SYNPO2L: variants seen among roughly 807,000 people sequenced by gnomAD.
SYNPO2L encodes synaptopodin 2-like protein.
Under a neutral mutation model 47.5 loss-of-function variants are expected in SYNPO2L, and 34 were observed. The observed-to-expected ratio is 0.72, with a 90% CI of 0.54 to 0.95. The LOEUF (loss-of-function observed/expected upper bound fraction) is 0.95, where lower values mean the gene tolerates loss of function less well. Among genes scored for constraint, SYNPO2L ranks in the 40% least tolerant of loss-of-function variants. The pLI is 0.00. For synonymous variants in SYNPO2L, 536 were observed against 524.9 expected, an observed-to-expected ratio of 1.02 and a Z score of -0.29; for missense variants, 1,246 against 1,282.0, an observed-to-expected ratio of 0.97 and a Z score of 0.43.
rs374467816 is a variant in SYNPO2L at position 73,655,905 on chromosome 10, C to T, written c.18G>A (p.Glu6=). The change falls in exon 1 of 4, where the codon GAG becomes GAA. Residue 6 remains glutamate (E), a synonymous_variant. Transcript: ENST00000394810. MGAEE[E]VLVTLSGGAP... is the part of the protein sequence containing the mutation. ...CTCCCCCTGATAGTGTGACCAGCAC[C>T]TCCTCCTCAGCACCCATCGCTCAGC... 6.4e-7 allele frequency: 1 copy of T among 1,551,296 alleles called. No homozygotes were observed. The highest frequency in any genetic ancestry group is 8.7e-7 in the Non-Finnish European group (1 of 1,146,860).
chr10:73,647,986 T>C lies in SYNPO2L; in HGVS notation c.1666A>G (p.Ser556Gly), dbSNP rs1414837889. 1.9e-6 allele frequency: 3 copies of C among 1,549,314 alleles called. No individual in the cohort carries two copies. The highest frequency in any genetic ancestry group is 2.6e-6 in the Non-Finnish European group (3 of 1,149,824). ...ATSSLYIPAPSRPVTPGGAPE... is the reference protein window; with the variant it reads ...ATSSLYIPAPGRPVTPGGAPE... ...GCTCCACCTGGGGTGACAGGCCGAC[T>C]AGGGGCTGGGATGTACAGGGAGCTG... Residue 556 changes from serine to glycine, a missense_variant, in exon 4 of 4, where the codon AGT (serine) becomes GGT (glycine). This residue lies in a region of SYNPO2L where 1,037 missense variants were observed against 1,021.5 expected (regional missense o/e 1.02). Transcript: ENST00000394810.
rs2132423379 is a variant in SYNPO2L at position 73,653,278 on chromosome 10, C to T, written c.633G>A (p.Gln211=). 6.5e-7 allele frequency: 1 copy of T among 1,550,206 alleles called. No individual in the cohort carries two copies. Among genetic ancestry groups the T allele is most frequent in the Non-Finnish European group, 8.7e-7 (1 of 1,146,242 alleles). The change falls in exon 3 of 4, where the codon CAG becomes CAA. Residue 211 remains glutamine (Q), a synonymous_variant. Transcript: ENST00000394810. ...ACAGCAGAGCCTCAGCTGGGGGTGG[C>T]TGAAGGGCTGCCCCATCCTCCCAAG... ...SPSWEDGAAL[Q]PPPAEALLLP... is the part of the protein sequence containing the mutation.
At position 73,646,512 on chromosome 10, in the gene SYNPO2L, T is replaced by C; in HGVS notation, c.*206A>G. The C allele has an allele frequency of 7.3e-6, 9 of 1,240,528 alleles. No individual in the cohort carries two copies. Among genetic ancestry groups the C allele is most frequent in the Non-Finnish European group, 9.1e-6 (9 of 993,222 alleles). 76.8% of individuals were successfully genotyped at this position (1,240,528 alleles called of 1,614,324 possible). Reference sequence around the variant, plus strand: ...ATGCAGAGACAAAGAGAGGCAAAGATACCAAAGCAGACATACTTGGTTGGA... The same window carrying C: ...ATGCAGAGACAAAGAGAGGCAAAGACACCAAAGCAGACATACTTGGTTGGA... On this transcript the variant is annotated 3_prime_UTR_variant, in exon 4 of 4. Coordinates refer to ENST00000394810, the MANE Select transcript of SYNPO2L (RefSeq NM_001114133.3).
intron 1 of SYNPO2L, among the ~76,000 whole-genome samples, chr10:73,654,499 C>T: frequency 6.6e-6 from 1 of 152,138 alleles, no homozygotes; most frequent in South Asian, 2.1e-4. Context: ...AATAGGGTAA[C>T]CATTGAATGA....
rs1225441208 is a variant in SYNPO2L at position 73,646,782 on chromosome 10, C to T, written c.2870G>A (p.Arg957Gln). Residue 957 changes from arginine to glutamine, a missense_variant, in exon 4 of 4, where the codon CGA (arginine) becomes CAA (glutamine). Arg to Gln is a conservative substitution (Grantham distance 43, BLOSUM62 1). This residue lies in a region of SYNPO2L where 1,037 missense variants were observed against 1,021.5 expected (regional missense o/e 1.02). Transcript: ENST00000394810. ...SSCGFQVARP[R>Q]FSATRTGLQA... ...CAATCCTGTTCTGGTGGCTGAAAATCGGGGCCTGGCTACCTGGAAACCGCA... is the reference window on the plus strand; with the variant it reads ...CAATCCTGTTCTGGTGGCTGAAAATTGGGGCCTGGCTACCTGGAAACCGCA... 2 of 1,522,278 alleles carry T rather than the reference C, an allele frequency of 1.3e-6. No individual in the cohort carries two copies. The highest frequency in any genetic ancestry group is 1.3e-5 in the South Asian group (1 of 74,940). 94.3% of individuals were successfully genotyped at this position (1,522,278 alleles called of 1,614,324 possible). A position where few individuals can be genotyped will look rare whatever the true frequency, so the allele number is the denominator to read the frequency against.
rs1375639072 is a variant in SYNPO2L at position 73,648,188 on chromosome 10, C to T, written c.1464G>A (p.Arg488=). Residue 488 remains arginine (R), a synonymous_variant, in exon 4 of 4, where the codon CGG becomes CGA. Coordinates refer to ENST00000394810, the MANE Select transcript of SYNPO2L (RefSeq NM_001114133.3). ...CGTTCGCCCTTTTGGGGGCTAAAGGCCGGAAAATAACCGAGGTGGTAGTTG... is the reference window on the plus strand; with the variant it reads ...CGTTCGCCCTTTTGGGGGCTAAAGGTCGGAAAATAACCGAGGTGGTAGTTG... ...QRPTTTSVIF[R]PLAPKRANDS... The T allele has an allele frequency of 1.3e-6, 2 of 1,567,726 alleles. No homozygotes were observed. Among genetic ancestry groups the T allele is most frequent in the Non-Finnish European group, 8.6e-7 (1 of 1,159,252 alleles).
Position 73,647,096 on chromosome 10 carries a change from A to G in SYNPO2L, c.2556T>C (p.His852=), listed in dbSNP as rs1283776527. 3.1e-6 allele frequency: 5 copies of G among 1,614,016 alleles called. No homozygotes were observed. The highest frequency in any genetic ancestry group is 4.2e-6 in the Non-Finnish European group (5 of 1,180,004). ...TGGCAGTTTTAAGTTGATAGGGCTG[A>G]TGCCGCATAAAATCTAGAGCCTTGA... The part of the protein sequence containing the change: ...QGIKALDFMR[H]QPYQLKTAMF... Residue 852 remains histidine, a synonymous_variant, in exon 4 of 4, where the codon CAT becomes CAC. Transcript: ENST00000394810.
At chr10:73,649,198 T>C (rs2081816146) in intron 3 of SYNPO2L, among the ~76,000 whole-genome samples, 1 of 152,124 alleles carries the variant, frequency 6.6e-6, no homozygotes, top group Admixed American at 6.5e-5. Flanking sequence ...ATTCCTCACC[T>C]GCCTCCCATT....
In SYNPO2L at chr10:73,645,734, T is replaced by G. The variant is rs923130903; in HGVS notation, c.*984A>C. ...ACAGACATTGGTCTCTAAGGAGTTA[T>G]TCTCTAGTGAATCTCTTTCTCCCAC... On this transcript the variant is annotated 3_prime_UTR_variant, in exon 4 of 4. Coordinates refer to ENST00000394810, the MANE Select transcript of SYNPO2L (RefSeq NM_001114133.3). 1.0e-6 allele frequency: 1 copy of G among 985,866 alleles called. No individual in the cohort carries two copies. Among genetic ancestry groups the G allele is most frequent in the African/African-American group, 1.7e-5 (1 of 57,246 alleles). 61.1% of individuals were successfully genotyped at this position (985,866 alleles called of 1,614,324 possible). A position where few individuals can be genotyped will look rare whatever the true frequency, so the allele number is the denominator to read the frequency against.
Position 73,645,241 on chromosome 10 carries a change from C to T in SYNPO2L, c.*1477G>A. On this transcript the variant is annotated 3_prime_UTR_variant, in exon 4 of 4. Coordinates refer to ENST00000394810, the MANE Select transcript of SYNPO2L (RefSeq NM_001114133.3). ...CAGCACACACCCTCACACCTCCCTT[C>T]CACCATCATTCCCTTCCATTCTAAC... 9.0e-7 allele frequency: 1 copy of T among 1,105,376 alleles called. No individual in the cohort carries two copies. The highest frequency in any genetic ancestry group is 1.1e-6 in the Non-Finnish European group (1 of 894,994). 68.5% of individuals were successfully genotyped at this position (1,105,376 alleles called of 1,614,324 possible).
Position 73,645,106 on chromosome 10 carries a change from C to A in SYNPO2L, c.*1612G>T. The A allele has an allele frequency of 8.1e-7, 1 of 1,239,562 alleles. No individual in the cohort carries two copies. The highest frequency in any genetic ancestry group is 1.6e-5 in the African/African-American group (1 of 61,356). The allele number at this position is 1,239,562 out of a possible 1,614,324, so 76.8% of individuals were successfully genotyped here. A position where few individuals can be genotyped will look rare whatever the true frequency, so the allele number is the denominator to read the frequency against. On this transcript the variant is annotated 3_prime_UTR_variant, in exon 4 of 4. Coordinates refer to ENST00000394810, the MANE Select transcript of SYNPO2L (RefSeq NM_001114133.3). ...GGGTGGGACTGAAAGGAGGTTTTGG[C>A]TCTGGGTATTTCCCTACTCTTTCCC...
In SYNPO2L at chr10:73,653,420, C is replaced by T; in HGVS notation, c.491G>A (p.Arg164Lys). The T allele has an allele frequency of 6.4e-7, 1 of 1,551,466 alleles. No homozygotes were observed. The highest frequency in any genetic ancestry group is 8.7e-7 in the Non-Finnish European group (1 of 1,146,852). Residue 164 changes from arginine (R) to lysine (K), a missense_variant, in exon 3 of 4, where the codon AGG becomes AAG. Arg to Lys is a conservative substitution (Grantham distance 26). Around this residue, in one of 3 missense-constraint regions of SYNPO2L, gnomAD observed 148 missense variants for 204.8 expected, o/e 0.72. Transcript: ENST00000394810. ...PRRPRRRGPT[R>K]PTPPGAPPDE... is the part of the protein sequence containing the mutation. Reference sequence around the variant, plus strand: ...AGGTGGGGCACCCGGAGGGGTGGGCCTTGTGGGGCCTCGGCGGCGAGGTCG... The same window carrying T: ...AGGTGGGGCACCCGGAGGGGTGGGCTTTGTGGGGCCTCGGCGGCGAGGTCG...
chr10:73,645,613 T>A lies in SYNPO2L; in HGVS notation c.*1105A>T. The A allele has an allele frequency of 1.0e-6, 1 of 986,788 alleles. No homozygotes were observed. The highest frequency in any genetic ancestry group is 1.7e-5 in the African/African-American group (1 of 57,358). The allele number at this position is 986,788 out of a possible 1,614,324, so 61.1% of individuals were successfully genotyped here. A position where few individuals can be genotyped will look rare whatever the true frequency, so the allele number is the denominator to read the frequency against. ...TGAGGTATAGAATTCTTTGTTCTAT[T>A]CCTGGTCTAGCTGGTATAACTCAGC... On this transcript the variant is annotated 3_prime_UTR_variant, in exon 4 of 4. Coordinates refer to ENST00000394810, the MANE Select transcript of SYNPO2L (RefSeq NM_001114133.3).
In SYNPO2L at chr10:73,645,017, A is replaced by C. The variant is rs775560608; in HGVS notation, c.*1701T>G. The C allele has an allele frequency of 7.9e-7, 1 of 1,263,488 alleles. No individual in the cohort carries two copies. Among genetic ancestry groups the C allele is most frequent in the South Asian group, 1.4e-5 (1 of 73,870 alleles). The allele number at this position is 1,263,488 out of a possible 1,614,324, so 78.3% of individuals were successfully genotyped here. A position where few individuals can be genotyped will look rare whatever the true frequency, so the allele number is the denominator to read the frequency against. On this transcript the variant is annotated 3_prime_UTR_variant, in exon 4 of 4. Transcript: ENST00000394810. Reference sequence around the variant, plus strand: ...GGTGGTCTTGGTGAGAAGGGAGTCCATACTAAGATTGGAGATCAGGACCTG... The same window carrying C: ...GGTGGTCTTGGTGAGAAGGGAGTCCCTACTAAGATTGGAGATCAGGACCTG...
Position 73,653,163 on chromosome 10 carries a change from A to T in SYNPO2L, c.748T>A (p.Tyr250Asn). Residue 250 changes from tyrosine to asparagine, a missense_variant, in exon 3 of 4, where the codon TAC becomes AAC. Physicochemically the swap from Tyr to Asn is moderately radical, Grantham distance 143. Transcript: ENST00000394810. Reference sequence around the variant, plus strand: ...CTGGCTTGCTTGGCCTTCTGGGTGTAGGTGGTAGTAAGATCTTCTGCCACT... The same window carrying T: ...CTGGCTTGCTTGGCCTTCTGGGTGTTGGTGGTAGTAAGATCTTCTGCCACT... The part of the protein sequence containing the change: ...HPVAEDLTTT[Y>N]TQKAKQAKLQ... 1 of 1,453,078 alleles carries T rather than the reference A, an allele frequency of 6.9e-7. No homozygotes were observed. Among genetic ancestry groups the T allele is most frequent in the Non-Finnish European group, 9.1e-7 (1 of 1,098,370 alleles). The allele number at this position is 1,453,078 out of a possible 1,614,324, so 90.0% of individuals were successfully genotyped here.
chr10:73,649,481 A>G (rs977687751), intron 3 of SYNPO2L, among the ~76,000 whole-genome samples: 5 of 152,148 alleles, frequency 3.3e-5, no homozygotes, highest in Non-Finnish European at 7.4e-5. Context: ...TCACAGAAAT[A>G]ACTCCCACCA....
chr10:73,655,569 A>T (rs2081872039), intron 1 of SYNPO2L, among the ~76,000 whole-genome samples: 1 of 152,100 alleles, frequency 6.6e-6, no homozygotes, highest in Admixed American at 6.5e-5. Flanking sequence ...CAGGGAACTG[A>T]AGCAGAGCCT....
rs1333158747 is a variant in SYNPO2L at position 73,653,211 on chromosome 10, T to G, written c.700A>C (p.Met234Leu). The change falls in exon 3 of 4, where the codon ATG becomes CTG. Residue 234 changes from methionine (M) to leucine (L), a missense_variant. Met to Leu is a conservative substitution (Grantham distance 15). This residue lies in a region of SYNPO2L where 1,037 missense variants were observed against 1,021.5 expected (regional missense o/e 1.02). Coordinates refer to ENST00000394810, the MANE Select transcript of SYNPO2L (RefSeq NM_001114133.3). ...ACTGGGTGGGGAACAGGCCCCACCA[T>G]AGGGATGAGATGAGGACCAGGTCGG... ...PLRPGPHLIP[M>L]VGPVPHPVAE... is the part of the protein sequence containing the mutation. 1 of 1,492,894 alleles carries G rather than the reference T, an allele frequency of 6.7e-7. No individual in the cohort carries two copies. The highest frequency in any genetic ancestry group is 2.3e-5 in the Admixed American group (1 of 43,536). 92.5% of individuals were successfully genotyped at this position (1,492,894 alleles called of 1,614,324 possible).
chr10:73,647,035 G>C lies in SYNPO2L; in HGVS notation c.2617C>G (p.Pro873Ala), dbSNP rs1197926568. 6.2e-7 allele frequency: 1 copy of C among 1,613,872 alleles called. No individual in the cohort carries two copies. The highest frequency in any genetic ancestry group is 1.7e-5 in the Admixed American group (1 of 60,012). Residue 873 changes from proline (P) to alanine (A), a missense_variant, in exon 4 of 4, where the codon CCT (proline) becomes GCT (alanine). Physicochemically the swap from Pro to Ala is conservative, Grantham distance 27. Around this residue, in one of 3 missense-constraint regions of SYNPO2L, gnomAD observed 1,037 missense variants for 1,021.5 expected, o/e 1.02. Transcript: ENST00000394810. The stretch of plus-strand genomic sequence containing the variant: ...GTTTTGGGGGACCCTGAGGCGATAG[G>C]GCCAGGAGTCGGGGGAACCTCATCA... ...CFDEVPPTPG[P>A]IASGSPKTAR...
Sources: allele counts gnomAD v4.1 joint callset (sites outside exome capture counted in the v4.1 genomes callset), GRCh38; gene constraint gnomAD v4.1.1; regional missense constraint gnomAD v4.1.1; transcripts MANE v1.5; gene names NCBI Gene and HGNC (gene_info 2026-07-23, HGNC 2026-07-21).